Variants in SDK1 observed in about 807,000 individuals in gnomAD.
The protein encoded by SDK1 is sidekick cell adhesion molecule 1, also known as protein sidekick-1.
In SDK1, 157 loss-of-function variants were observed where a neutral mutation model predicts 245.5. The observed-to-expected ratio is 0.64, with a 90% confidence interval of 0.56 to 0.73. The LOEUF is 0.73. Among genes scored for constraint, SDK1 ranks in the 30% least tolerant of loss-of-function variants. The probability of loss-of-function intolerance (pLI) is 0.00; values close to 1 mark genes in which losing one functional copy is unlikely to be tolerated. For missense variants in SDK1, 3,583 were observed against 3,002.3 expected, an observed-to-expected ratio of 1.19 and a Z score of -4.52; for synonymous variants, 1,647 against 1,278.5, an observed-to-expected ratio of 1.29 and a Z score of -6.15.
At chr7:4,241,731 TG>T in intron 42 of SDK1, 61 bp from the exon 43 acceptor site, 2 of 1,605,190 alleles carry the variant, frequency 1.2e-6, no homozygotes, top group Admixed American at 3.4e-5. Flanking sequence ...AGCTCTGGCT[TG>T]GCGTGGCTGC....
At chr7:3,573,047 C>G (rs955638683) in intron 1 of SDK1, among the ~76,000 whole-genome samples, 2 of 152,206 alleles carry the variant, frequency 1.3e-5, no homozygotes, top group African/African-American at 2.4e-5. Context: ...TTATGCAGCC[C>G]AGGCACAGCC....
At chr7:4,208,790 C>T (rs1014778761) in intron 37 of SDK1, among the ~76,000 whole-genome samples, 1 of 152,230 alleles carries the variant, frequency 6.6e-6, no homozygotes, top group African/African-American at 2.4e-5. Flanking sequence ...GGGCCAGTCC[C>T]GAGGGCTCAG....
chr7:3,887,385 A>G (rs1051245528), intron 5 of SDK1, among the ~76,000 whole-genome samples: 4 of 152,236 alleles, frequency 2.6e-5, no homozygotes, highest in African/African-American at 9.6e-5. Context: ...TGCCTCGAAC[A>G]GGCAGGGGAG....
At chr7:3,402,091 T>C (rs1460428705) in intron 1 of SDK1, among the ~76,000 whole-genome samples, 1 of 152,198 alleles carries the variant, frequency 6.6e-6, no homozygotes, top group Non-Finnish European at 1.5e-5. Flanking sequence ...GTTTAGCTTT[T>C]ATGTGACTCA....
intron 1 of SDK1, among the ~76,000 whole-genome samples, chr7:3,410,724 T>C (rs981460519): frequency 2.6e-5 from 4 of 151,582 alleles, no homozygotes; most frequent in African/African-American, 4.9e-5. Flanking sequence ...GTAGCTGGGG[T>C]TACAGGCACA....
At chr7:3,736,050 G>C (rs1779310263) in intron 4 of SDK1, among the ~76,000 whole-genome samples, 1 of 151,972 alleles carries the variant, frequency 6.6e-6, no homozygotes, top group Non-Finnish European at 1.5e-5. Flanking sequence ...TTTTTCTCTT[G>C]TTGAATTGTA....
At chr7:3,661,660 A>G (rs970435333) in intron 4 of SDK1, among the ~76,000 whole-genome samples, 3 of 152,316 alleles carry the variant, frequency 2.0e-5, no homozygotes, top group South Asian at 4.1e-4. Flanking sequence ...AGCATTTTCC[A>G]TTATTTTGCT....
In SDK1 at chr7:4,017,239, G is replaced by A; in HGVS notation, c.2489G>A (p.Cys830Tyr). 1.2e-6 allele frequency: 2 copies of A among 1,614,118 alleles called. No homozygotes were observed. Among genetic ancestry groups the A allele is most frequent in the African/African-American group, 1.3e-5 (1 of 75,030 alleles). The change falls in exon 17 of 45, where the codon TGC becomes TAC. Residue 830 changes from cysteine to tyrosine, a missense_variant. By Grantham distance (194) the Cys-to-Tyr change is radical (BLOSUM62 -2). Transcript: ENST00000404826. ...RNITSPEVNY[C>Y]LVTDLIIWTQ... is the part of the protein sequence containing the mutation. ...ATCACCAGCCCGGAGGTGAACTACT[G>A]CCTGGTGACAGACCTGATCATCTGG...
chr7:3,941,504 A>G (rs1001223032), intron 5 of SDK1, among the ~76,000 whole-genome samples: 8 of 151,506 alleles, frequency 5.3e-5, no homozygotes, highest in Non-Finnish European at 7.4e-5. Context: ...CTTTTTCCCA[A>G]ATGGGCCAAA....
intron 5 of SDK1, among the ~76,000 whole-genome samples, chr7:3,859,519 G>C (rs996362692): frequency 6.6e-6 from 1 of 152,042 alleles, no homozygotes; most frequent in African/African-American, 2.4e-5. Context: ...AGTTTTTTCT[G>C]TCTTTCTGCT....
At chr7:3,592,796 T>C (rs1780922170) in intron 1 of SDK1, among the ~76,000 whole-genome samples, 1 of 152,232 alleles carries the variant, frequency 6.6e-6, no homozygotes, top group East Asian at 1.9e-4. Context: ...TTGCCACACC[T>C]TAACATATGA....
intron 17 of SDK1, among the ~76,000 whole-genome samples, chr7:4,029,631 A>G (rs1458728824): frequency 6.6e-6 from 1 of 152,074 alleles, no homozygotes; most frequent in African/African-American, 2.4e-5. Context: ...CACATCACCC[A>G]AGCAGGGTGG....
intron 1 of SDK1, among the ~76,000 whole-genome samples, chr7:3,520,551 A>G (rs569121046): frequency 2.0e-5 from 3 of 152,350 alleles, no homozygotes; most frequent in African/African-American, 7.2e-5. Flanking sequence ...TCTCTTACTT[A>G]TATCAAAAGC....
chr7:4,049,527 G>A, intron 18 of SDK1, 64 bp downstream of exon 18: 1 of 1,243,606 alleles, frequency 8.0e-7, no homozygotes, highest in Non-Finnish European at 1.2e-6. Flanking sequence ...GCGCGACGCA[G>A]CTGGAGGCAC....
At chr7:3,779,075 C>G (rs1007121051) in intron 4 of SDK1, among the ~76,000 whole-genome samples, 1 of 152,052 alleles carries the variant, frequency 6.6e-6, no homozygotes, top group Non-Finnish European at 1.5e-5. Flanking sequence ...ATGGATGTTC[C>G]TTTTTTATCA....
chr7:4,193,397 T>TATATATATATATATATAA (rs1491542284), intron 35 of SDK1, among the ~76,000 whole-genome samples: 9 of 64,192 alleles, frequency 1.4e-4, no homozygotes, highest in African/African-American at 4.9e-4. Context: ...TATATATATA[T>TATATATATATATATATAA]AAAGGGGAGT....
At position 4,017,092 on chromosome 7, in the gene SDK1, C is replaced by A. The variant is rs932905062; in HGVS notation, c.2421-79C>A. The A allele has an allele frequency of 5.8e-6, 8 of 1,384,300 alleles. No individual in the cohort carries two copies. The Admixed American group carries it at 1.9e-4, about 32-fold the overall frequency. 85.8% of individuals were successfully genotyped at this position (1,384,300 alleles called of 1,614,324 possible). On this transcript the variant is annotated intron_variant, in intron 16 of 44. Transcript: ENST00000404826. ...TTATTTACTTCCATTTCCCCCTAAC[C>A]CTGCGGAATAACTGCGGGTAAACAC...
intron 1 of SDK1, among the ~76,000 whole-genome samples, chr7:3,504,182 A>ATGTGTGTGTGTG (rs56306302): frequency 0.028 from 3,703 of 131,882 alleles, 135 homozygotes; most frequent in African/African-American, 0.069. Flanking sequence ...ATATATATAT[A>ATGTGTGTGTGTG]TGTGTGTGTG....
chr7:3,971,405 CT>C (rs1270542555), intron 11 of SDK1, 60 bp from the exon 12 acceptor site: 7 of 1,193,488 alleles, frequency 5.9e-6, no homozygotes, highest in Non-Finnish European at 7.4e-6. Flanking sequence ...ATTATCCCCC[CT>C]GAGGGCAGAA....
Sources: allele counts gnomAD v4.1 joint callset (sites outside exome capture counted in the v4.1 genomes callset), GRCh38; gene constraint gnomAD v4.1.1; transcripts MANE v1.5; gene names NCBI Gene and HGNC (gene_info 2026-07-23, HGNC 2026-07-21).